Variants in RBFOX3 observed in about 807,000 individuals in gnomAD.
The protein encoded by RBFOX3 is RNA binding fox-1 homolog 3, also known as RNA binding protein fox-1 homolog 3.
RBFOX3 carries 17 observed loss-of-function variants against 48.7 expected under a neutral mutation model. That is an observed-to-expected ratio of 0.35 (90% confidence interval 0.24 to 0.52). The LOEUF (loss-of-function observed/expected upper bound fraction) is 0.52, where lower values mean the gene tolerates loss of function less well. Among genes scored for constraint, RBFOX3 ranks in the 20% least tolerant of loss-of-function variants. The probability of loss-of-function intolerance (pLI) is 0.94; values close to 1 mark genes in which losing one functional copy is unlikely to be tolerated. For missense variants in RBFOX3, 382 were observed against 497.5 expected (o/e 0.77, Z 2.21); for synonymous variants, 212 against 209.5 (o/e 1.01, Z -0.10).
intron 8 of RBFOX3, among the ~76,000 whole-genome samples, 176 bp from the exon 9 acceptor site, chr17:79,101,820 C>A (rs1237895976): frequency 6.6e-6 from 1 of 152,124 alleles, no homozygotes; most frequent in Non-Finnish European, 1.5e-5. Context: ...CCAGCACGGG[C>A]TAAAGCCCCG....
chr17:79,345,801 A>G (rs1260972632), intron 2 of RBFOX3, among the ~76,000 whole-genome samples: 1 of 152,160 alleles, frequency 6.6e-6, no homozygotes, highest in African/African-American at 2.4e-5. Context: ...CATTCAATAT[A>G]TTGAATTAAA....
chr17:79,356,379 T>TTTGTTTTTA (rs2085119897), intron 2 of RBFOX3, among the ~76,000 whole-genome samples: 1 of 107,094 alleles, frequency 9.3e-6, no homozygotes, highest in African/African-American at 4.1e-5. Flanking sequence ...TTTTTTTTTT[T>TTTGTTTTTA]TTTTTTTGAG....
At chr17:79,149,834 G>A (rs1455824618) in intron 4 of RBFOX3, among the ~76,000 whole-genome samples, 3 of 151,186 alleles carry the variant, frequency 2.0e-5, no homozygotes, top group African/African-American at 4.9e-5. Flanking sequence ...TGAGTGCCAG[G>A]GTGAGGGGAC....
intron 3 of RBFOX3, among the ~76,000 whole-genome samples, chr17:79,271,779 A>G (rs1168423197): frequency 2.0e-5 from 3 of 152,204 alleles, no homozygotes; most frequent in Non-Finnish European, 2.9e-5. Context: ...GCCACTGTAG[A>G]AAGTATCAGA....
intron 1 of RBFOX3, among the ~76,000 whole-genome samples, chr17:79,573,577 T>A (rs2092756775): frequency 3.3e-5 from 5 of 152,202 alleles, no homozygotes. Context: ...AACAGGCACC[T>A]GTCCCTTTAA....
chr17:79,158,816 C>A lies in RBFOX3; in HGVS notation c.-33-43068G>T, dbSNP rs920255213. On this transcript the variant is annotated intron_variant, in intron 4 of 14. Coordinates refer to ENST00000693108, the MANE Select transcript of RBFOX3 (RefSeq NM_001350451.2). ...GATTTTTAGGGACCTGGAAAGGGAC[C>A]TGGCTCAGCCCACGTGGCAGTCACT... Among the ~76,000 whole-genome samples the A allele has an allele frequency of 1.3e-5, 2 of 152,324 alleles. 1 individual carries two copies. The highest frequency in any genetic ancestry group is 4.1e-4 in the South Asian group (2 of 4,824).
At chr17:79,410,764 C>T (rs1035348617) in intron 2 of RBFOX3, among the ~76,000 whole-genome samples, 3 of 152,204 alleles carry the variant, frequency 2.0e-5, no homozygotes, top group African/African-American at 7.2e-5. Flanking sequence ...CAGGCGGTGC[C>T]TCCTGCCTCC....
intron 8 of RBFOX3, among the ~76,000 whole-genome samples, chr17:79,102,645 G>A (rs2076660338): frequency 6.6e-6 from 1 of 152,184 alleles, no homozygotes; most frequent in African/African-American, 2.4e-5. Flanking sequence ...TCCTCCTTGG[G>A]GCCTGGTCTC....
chr17:79,257,083 A>G (rs1157631564), intron 3 of RBFOX3, among the ~76,000 whole-genome samples: 3 of 152,110 alleles, frequency 2.0e-5, no homozygotes, highest in Middle Eastern at 3.2e-3. Flanking sequence ...CCCCTCCAGT[A>G]TGAGGTTCGA....
intron 2 of RBFOX3, among the ~76,000 whole-genome samples, chr17:79,388,562 T>C (rs2060898041): frequency 6.6e-6 from 1 of 152,192 alleles, no homozygotes; most frequent in Non-Finnish European, 1.5e-5. Flanking sequence ...TAATCTCTTT[T>C]AAAAACAGGG....
intron 2 of RBFOX3, among the ~76,000 whole-genome samples, chr17:79,405,050 T>C (rs1173550922): frequency 6.6e-6 from 1 of 152,140 alleles, no homozygotes; most frequent in Non-Finnish European, 1.5e-5. Flanking sequence ...TCCCAAGCAA[T>C]CACCACAGTG....
chr17:79,155,734 G>T (rs2045634749), intron 4 of RBFOX3, among the ~76,000 whole-genome samples: 1 of 152,034 alleles, frequency 6.6e-6, no homozygotes, highest in African/African-American at 2.4e-5. Flanking sequence ...GGGAGGCAAG[G>T]ACTGGAGGGT....
At chr17:79,187,611 G>GGGA (rs2053676361) in intron 4 of RBFOX3, among the ~76,000 whole-genome samples, 1 of 152,164 alleles carries the variant, frequency 6.6e-6, no homozygotes, top group Non-Finnish European at 1.5e-5. Flanking sequence ...GCTCAGGGAT[G>GGGA]GGAGGATGTG....
intron 2 of RBFOX3, among the ~76,000 whole-genome samples, chr17:79,445,999 C>T (rs1400105715): frequency 6.6e-6 from 1 of 152,180 alleles, no homozygotes; most frequent in Non-Finnish European, 1.5e-5. Flanking sequence ...GCGAGCGGAA[C>T]CAGGGATGCT....
Position 79,235,771 on chromosome 17 carries a change from A to G in RBFOX3, c.-39T>C, listed in dbSNP as rs2147885949. The G allele has an allele frequency of 6.5e-6, 1 of 153,924 alleles. No individual in the cohort carries two copies. The highest frequency in any genetic ancestry group is 1.5e-5 in the Non-Finnish European group (1 of 68,042). 9.5% of individuals were successfully genotyped at this position (153,924 alleles called of 1,614,324 possible). ...AATAGAGAAAGTCTTTATACCTTTT[A>G]TTCAGCCAATTTTCCCCGAGGCACT... On this transcript the variant is annotated 5_prime_UTR_variant, in exon 4 of 15. Coordinates refer to ENST00000693108, the MANE Select transcript of RBFOX3 (RefSeq NM_001350451.2).
chr17:79,456,912 G>A (rs2074591892), intron 2 of RBFOX3, among the ~76,000 whole-genome samples: 1 of 152,210 alleles, frequency 6.6e-6, no homozygotes. Flanking sequence ...AATCCCCCAA[G>A]TTGTTCTGTA....
intron 2 of RBFOX3, among the ~76,000 whole-genome samples, chr17:79,369,779 G>A (rs554528084): frequency 5.8e-4 from 88 of 152,252 alleles, no homozygotes; most frequent in African/African-American, 1.6e-3. Context: ...GCAGCCTCGG[G>A]AAAGATCATC....
At chr17:79,167,097 C>A (rs951107724) in intron 4 of RBFOX3, among the ~76,000 whole-genome samples, 1 of 152,212 alleles carries the variant, frequency 6.6e-6, no homozygotes, top group African/African-American at 2.4e-5. Context: ...CAAGGGCAAC[C>A]TTCTCAGCTA....
rs1374385856 is a variant in RBFOX3, at chr17:79,243,906, A to T, written c.-73-8101T>A. On this transcript the variant is annotated intron_variant, in intron 3 of 14. Transcript: ENST00000693108. This position sits in a 1 kb window ranked among gnomAD's most constrained non-coding sequence, Gnocchi z 7.9. ...GGATGCAGAAATGGCCTGCGGTCCC[A>T]GAGGTAGGGGGCAGGTGGGAGGCCC... Among the ~76,000 whole-genome samples the T allele has an allele frequency of 1.3e-5, 2 of 152,218 alleles. No individual in the cohort carries two copies. The highest frequency in any genetic ancestry group is 3.9e-4 in the East Asian group (2 of 5,168).
Sources: gnomAD v4.1 joint callset for allele counts (sites outside exome capture counted in the v4.1 genomes callset) on GRCh38, gnomAD v4.1.1 for gene constraint, Gnocchi (gnomAD v3.1) non-coding constraint, MANE v1.5 for transcripts, NCBI Gene and HGNC (gene_info 2026-07-23, HGNC 2026-07-21) for gene names.